The following CFAP54 variants were observed in gnomAD, a reference collection of about 807,000 sequenced individuals.
The protein encoded by CFAP54 is cilia and flagella associated protein 54.
CFAP54 carries 290 observed loss-of-function variants against 370.4 expected under a neutral mutation model. The observed-to-expected ratio is 0.78, with a 90% CI of 0.71 to 0.86. CFAP54 has a LOEUF of 0.86. Among genes scored for constraint, CFAP54 ranks in the 40% least tolerant of loss-of-function variants. The probability of loss-of-function intolerance (pLI) is 0.00; values close to 1 mark genes in which losing one functional copy is unlikely to be tolerated. For synonymous variants in CFAP54, 1,206 were observed against 1,236.5 expected (o/e 0.98, Z 0.52); for missense variants, 3,399 against 3,528.7 (o/e 0.96, Z 0.93).
At chr12:96,727,349 T>C (rs1957854698) in intron 50 of CFAP54, among the ~76,000 whole-genome samples, 1 of 150,884 alleles carries the variant, frequency 6.6e-6, no homozygotes, top group Admixed American at 6.6e-5. Flanking sequence ...GCTTGATGAA[T>C]CTGGGTGCTC....
intron 17 of CFAP54, among the ~76,000 whole-genome samples, chr12:96,560,611 A>C (rs1212456363): frequency 6.6e-6 from 1 of 152,152 alleles, no homozygotes; most frequent in Non-Finnish European, 1.5e-5. Context: ...CCTCATAATC[A>C]TGCAGGTGAT....
chr12:96,670,230 A>C (rs1437677684), intron 39 of CFAP54, among the ~76,000 whole-genome samples: 1 of 152,214 alleles, frequency 6.6e-6, no homozygotes, highest in African/African-American at 2.4e-5. Context: ...CCATATGTAC[A>C]TATACCGTAT....
intron 32 of CFAP54, among the ~76,000 whole-genome samples, chr12:96,636,163 C>G (rs1306632926): frequency 6.6e-6 from 1 of 152,148 alleles, no homozygotes; most frequent in Non-Finnish European, 1.5e-5. Context: ...ATTTCTTTCA[C>G]TCTGGAAATT....
intron 12 of CFAP54, among the ~76,000 whole-genome samples, chr12:96,536,909 T>G (rs1955512511): frequency 6.6e-6 from 1 of 152,114 alleles, no homozygotes; most frequent in African/African-American, 2.4e-5. Flanking sequence ...TACAGGTGTG[T>G]GAGCCACTGT....
intron 28 of CFAP54, among the ~76,000 whole-genome samples, chr12:96,625,431 T>C (rs985150714): frequency 3.9e-5 from 6 of 152,242 alleles, no homozygotes; most frequent in Non-Finnish European, 8.8e-5. Flanking sequence ...TTTGCTGATA[T>C]ATGACAGCTG....
At chr12:96,780,696 T>C (rs1958572353) in intron 60 of CFAP54, among the ~76,000 whole-genome samples, 1 of 152,174 alleles carries the variant, frequency 6.6e-6, no homozygotes, top group Non-Finnish European at 1.5e-5. Flanking sequence ...TGAAAAAGAC[T>C]AGACCTAGGT....
rs1250870868 is a variant in CFAP54 at position 96,720,512 on chromosome 12, G to A, written c.6912G>A (p.Glu2304=). 2.5e-6 allele frequency: 4 copies of A among 1,595,512 alleles called. No individual in the cohort carries two copies. Among genetic ancestry groups the A allele is most frequent in the South Asian group, 1.1e-5 (1 of 88,742 alleles). The stretch of plus-strand genomic sequence containing the variant: ...CTGGCGAGCTGGAGATTGTGGTGGA[G>A]GCCCGGCTTCAGCTGGCTGCAGTTG... The part of the protein sequence containing the change: ...CSAGELEIVV[E]ARLQLAAVAL... The change falls in exon 50 of 68, where the codon GAG becomes GAA. Residue 2304 remains glutamate, a synonymous_variant. Coordinates refer to ENST00000524981, the MANE Select transcript of CFAP54 (RefSeq NM_001306084.2).
At chr12:96,763,889 T>C (rs1958366284) in intron 58 of CFAP54, among the ~76,000 whole-genome samples, 1 of 152,246 alleles carries the variant, frequency 6.6e-6, no homozygotes, top group African/African-American at 2.4e-5. Context: ...AAACTTGGGA[T>C]AACTGCTGTT....
intron 66 of CFAP54, among the ~76,000 whole-genome samples, chr12:96,838,461 C>T (rs1358158731): frequency 1.3e-5 from 2 of 152,042 alleles, no homozygotes; most frequent in African/African-American, 2.4e-5. Context: ...GTTTAATTGA[C>T]TCACAGTTCC....
At chr12:96,859,389 T>TTTTG (rs1324165783) in intron 66 of CFAP54, among the ~76,000 whole-genome samples, 79 of 126,902 alleles carry the variant, frequency 6.2e-4, no homozygotes, top group African/African-American at 1.9e-3. Context: ...AGAATGCACT[T>TTTTG]TTTGTTTGTT....
At chr12:96,610,050 T>A (rs1383448649) in intron 26 of CFAP54, among the ~76,000 whole-genome samples, 4 of 152,238 alleles carry the variant, frequency 2.6e-5, no homozygotes, top group African/African-American at 9.6e-5. Flanking sequence ...TCAATAGATA[T>A]TAAAGTTTGC....
chr12:96,555,037 T>A (rs534232891), intron 17 of CFAP54: 1 of 315,556 alleles, frequency 3.2e-6, no homozygotes, highest in African/African-American at 2.2e-5. Flanking sequence ...TTATGTTTAT[T>A]TGTGTTATAG....
At chr12:96,526,885 G>GTTTTTTTTTT (rs34080505) in intron 8 of CFAP54, among the ~76,000 whole-genome samples, 12 of 97,698 alleles carry the variant, frequency 1.2e-4, no homozygotes, top group South Asian at 4.0e-4. Context: ...CTTATAACAG[G>GTTTTTTTTTT]TTTTTTTTTT....
intron 55 of CFAP54, among the ~76,000 whole-genome samples, chr12:96,753,472 G>T (rs1353425374): frequency 6.6e-6 from 1 of 152,130 alleles, no homozygotes; most frequent in Non-Finnish European, 1.5e-5. Flanking sequence ...ATTTTAGAAG[G>T]AAAGGGTTTT....
intron 20 of CFAP54, among the ~76,000 whole-genome samples, chr12:96,577,066 C>T (rs1415453779): frequency 1.3e-5 from 2 of 152,134 alleles, no homozygotes; most frequent in African/African-American, 4.8e-5. Context: ...ATGCTGACAT[C>T]CTCGTGTGCT....
intron 63 of CFAP54, among the ~76,000 whole-genome samples, chr12:96,795,901 A>G (rs1434113393): frequency 1.3e-5 from 2 of 152,092 alleles, no homozygotes; most frequent in Non-Finnish European, 2.9e-5. Flanking sequence ...AGCCCTCCCC[A>G]AGGATCCCTG....
intron 50 of CFAP54, among the ~76,000 whole-genome samples, chr12:96,721,284 T>C (rs2136610320): frequency 6.6e-6 from 1 of 152,368 alleles, no homozygotes; most frequent in South Asian, 2.1e-4. Context: ...CTGAACTGTT[T>C]AATAAACTGT....
intron 9 of CFAP54, 119 bp from the exon 10 acceptor site, chr12:96,533,673 C>T (rs370279267): frequency 1.4e-4 from 109 of 790,918 alleles, no homozygotes; most frequent in Admixed American, 8.4e-4. Flanking sequence ...CCCACTAGAA[C>T]GTAAATCTTA....
intron 63 of CFAP54, 87 bp from the exon 64 acceptor site, chr12:96,811,649 A>T (rs527324296): frequency 4.5e-4 from 307 of 681,162 alleles, no homozygotes; most frequent in South Asian, 6.0e-4. Context: ...AAGTACAGTG[A>T]TATTATTTTG....
Sources: allele counts gnomAD v4.1 joint callset (sites outside exome capture counted in the v4.1 genomes callset), GRCh38; gene constraint gnomAD v4.1.1; transcripts MANE v1.5; gene names NCBI Gene and HGNC (gene_info 2026-07-23, HGNC 2026-07-21).